DAAM1: variants seen among roughly 807,000 people sequenced by gnomAD.
DAAM1 encodes the protein disheveled-associated activator of morphogenesis 1.
DAAM1 carries 52 observed loss-of-function variants against 130.0 expected under a neutral mutation model. That is an observed-to-expected ratio of 0.40 (90% confidence interval 0.32 to 0.50). DAAM1 has a LOEUF of 0.50. DAAM1 is among the 20% of genes least tolerant of loss of function. The pLI, the probability that DAAM1 is intolerant of heterozygous loss-of-function variation, is 0.61. For missense variants in DAAM1, 1,134 were observed against 1,303.8 expected, an observed-to-expected ratio of 0.87 and a Z score of 2.01; for synonymous variants, 452 against 444.5, an observed-to-expected ratio of 1.02 and a Z score of -0.21.
chr14:59,296,417 C>T (rs772746778), intron 3 of DAAM1, among the ~76,000 whole-genome samples: 7 of 152,128 alleles, frequency 4.6e-5, no homozygotes, highest in Non-Finnish European at 7.3e-5. Flanking sequence ...AGTATCTTCT[C>T]TGGGGCAGAG....
intron 17 of DAAM1, among the ~76,000 whole-genome samples, chr14:59,348,147 CT>C (rs1483877471): frequency 6.6e-6 from 1 of 152,188 alleles, no homozygotes; most frequent in African/African-American, 2.4e-5. Flanking sequence ...AAGTCTTAAC[CT>C]CCGTACATTG....
intron 1 of DAAM1, among the ~76,000 whole-genome samples, chr14:59,220,124 G>GTC (rs57955762): frequency 0.011 from 1,662 of 152,152 alleles, 26 homozygotes; most frequent in African/African-American, 0.038. Context: ...AAATTTCAAG[G>GTC]TCTCTCATCC....
At position 59,324,117 on chromosome 14, in the gene DAAM1, A is replaced by G. The variant is rs747299265; in HGVS notation, c.775-11A>G. ...TAACGTTTCAGTCCTTTGTTTTTCTATTTTTGATAGACATTAATTAACGAC... is the reference window on the plus strand; with the variant it reads ...TAACGTTTCAGTCCTTTGTTTTTCTGTTTTTGATAGACATTAATTAACGAC... On this transcript the variant is annotated splice_polypyrimidine_tract_variant and intron_variant, in intron 6 of 24. Transcript: ENST00000360909. The G allele has an allele frequency of 9.4e-6, 13 of 1,377,438 alleles. No individual in the cohort carries two copies. In the East Asian group the frequency reaches 1.0e-4, roughly 11 times the overall value. 85.3% of individuals were successfully genotyped at this position (1,377,438 alleles called of 1,614,324 possible).
intron 4 of DAAM1, among the ~76,000 whole-genome samples, chr14:59,319,835 G>C (rs1884937762): frequency 6.6e-6 from 1 of 151,992 alleles, no homozygotes; most frequent in African/African-American, 2.4e-5. Context: ...ACCAAACCAG[G>C]CTCCATAGTT....
intron 16 of DAAM1, 109 bp from the exon 17 acceptor site, chr14:59,347,430 A>AT (rs1886126141): frequency 9.6e-7 from 1 of 1,039,124 alleles, no homozygotes; most frequent in Non-Finnish European, 1.4e-6. Context: ...TCACTGAGAG[A>AT]TTTTGAGAAA....
intron 17 of DAAM1, among the ~76,000 whole-genome samples, chr14:59,348,557 T>C (rs558070295): frequency 1.5e-4 from 23 of 152,310 alleles, no homozygotes; most frequent in African/African-American, 5.5e-4. Context: ...TTTTGGTCAA[T>C]AAGTCCACGT....
In DAAM1 at chr14:59,272,506, G is replaced by A. The variant is rs138666094; in HGVS notation, c.183+8846G>A. Among the ~76,000 whole-genome samples the A allele has an allele frequency of 1.5e-3, 227 of 152,240 alleles. 1 individual carries two copies. The highest frequency in any genetic ancestry group is 5.2e-3 in the African/African-American group (216 of 41,536). ...CACGAGAGTCACTTGAACCTTGGGA[G>A]ATGGAGGTTGCAGTGAGCCGAGGTC... On this transcript the variant is annotated intron_variant, in intron 2 of 24. Transcript: ENST00000360909.
intron 3 of DAAM1, 73 bp downstream of exon 3, chr14:59,291,379 T>C (rs1392801272): frequency 4.4e-5 from 54 of 1,213,962 alleles, no homozygotes; most frequent in South Asian, 8.2e-5. Context: ...ATTTCACCAC[T>C]AGAATTGGAC....
intron 4 of DAAM1, among the ~76,000 whole-genome samples, chr14:59,317,954 C>G (rs923039156): frequency 6.6e-6 from 1 of 152,128 alleles, no homozygotes; most frequent in Non-Finnish European, 1.5e-5. Context: ...TCTTTAATGT[C>G]TTAAGAGTCT....
intron 10 of DAAM1, 119 bp downstream of exon 10, chr14:59,326,196 T>C (rs1008515596): frequency 2.1e-6 from 2 of 965,338 alleles, no homozygotes; most frequent in African/African-American, 3.3e-5. Flanking sequence ...CAAGCCTTGG[T>C]TTTATGACAG....
intron 1 of DAAM1, among the ~76,000 whole-genome samples, chr14:59,245,053 A>G (rs1594777337): frequency 6.6e-6 from 1 of 151,822 alleles, no homozygotes; most frequent in African/African-American, 2.4e-5. Flanking sequence ...AGGGAAAAGG[A>G]CGGGGGGGCC....
At chr14:59,235,557 C>A (rs925739985) in intron 1 of DAAM1, among the ~76,000 whole-genome samples, 6 of 151,850 alleles carry the variant, frequency 4.0e-5, no homozygotes, top group African/African-American at 1.5e-4. Flanking sequence ...AGCTAGTGGT[C>A]TATCTATTTT....
chr14:59,350,539 C>G (rs1045571254), intron 17 of DAAM1, among the ~76,000 whole-genome samples: 6 of 152,076 alleles, frequency 3.9e-5, no homozygotes, highest in African/African-American at 1.4e-4. Flanking sequence ...TGTCTTCTCT[C>G]TGATGCAGCC....
chr14:59,224,523 G>A (rs1399512594), intron 1 of DAAM1, among the ~76,000 whole-genome samples: 1 of 152,172 alleles, frequency 6.6e-6, no homozygotes, highest in Non-Finnish European at 1.5e-5. Context: ...GATTTCACAG[G>A]CTTACAGCTG....
chr14:59,233,219 A>G (rs1889170864), intron 1 of DAAM1, among the ~76,000 whole-genome samples: 1 of 152,102 alleles, frequency 6.6e-6, no homozygotes, highest in Admixed American at 6.5e-5. Flanking sequence ...ACCATGCTTT[A>G]TTCCACAATG....
chr14:59,341,168 A>G (rs768388236), intron 16 of DAAM1, among the ~76,000 whole-genome samples: 1 of 152,186 alleles, frequency 6.6e-6, no homozygotes, highest in Non-Finnish European at 1.5e-5. Flanking sequence ...AATGAAGAGA[A>G]ATTTAACCTT....
At chr14:59,364,548 C>G (rs1886837222) in intron 23 of DAAM1, among the ~76,000 whole-genome samples, 1 of 122,132 alleles carries the variant, frequency 8.2e-6, no homozygotes. Flanking sequence ...ATCCTCTTCT[C>G]ATTCTTTATA....
chr14:59,192,149 G>GGGGT (rs1555353452), intron 1 of DAAM1, among the ~76,000 whole-genome samples: 38 of 138,650 alleles, frequency 2.7e-4, no homozygotes, highest in East Asian at 8.7e-4. Flanking sequence ...CTTGTTAAGG[G>GGGGT]GTGTGTGTGT....
chr14:59,261,860 G>C (rs78879943), intron 1 of DAAM1, among the ~76,000 whole-genome samples: 1 of 152,106 alleles, frequency 6.6e-6, no homozygotes, highest in African/African-American at 2.4e-5. Context: ...TTCAAGGAAG[G>C]CATCTGTTTT....
Sources: allele counts gnomAD v4.1 joint callset (sites outside exome capture counted in the v4.1 genomes callset), GRCh38; gene constraint gnomAD v4.1.1; transcripts MANE v1.5; gene names NCBI Gene and HGNC (gene_info 2026-07-23, HGNC 2026-07-21).